Variants in CSGALNACT1 observed in about 807,000 individuals in gnomAD.
CSGALNACT1 encodes the protein beta4GalNAcT-1.
Under a neutral mutation model 51.0 loss-of-function variants are expected in CSGALNACT1, and 52 were observed. That is an observed-to-expected ratio of 1.02 (90% CI 0.82 to 1.29). The LOEUF (loss-of-function observed/expected upper bound fraction) is 1.29, where lower values mean the gene tolerates loss of function less well. Ranked by LOEUF, CSGALNACT1 falls within the 50% of genes most tolerant of loss-of-function variation. The pLI is 0.00. For missense variants in CSGALNACT1, 935 were observed against 679.2 expected, an observed-to-expected ratio of 1.38 and a Z score of -4.19; for synonymous variants, 341 against 254.4, an observed-to-expected ratio of 1.34 and a Z score of -3.24.
At chr8:19,439,187 C>G (rs992261097) in intron 6 of CSGALNACT1, among the ~76,000 whole-genome samples, 1 of 152,192 alleles carries the variant, frequency 6.6e-6, no homozygotes, top group African/African-American at 2.4e-5. Context: ...AAAAATCCAT[C>G]TATGCTGCTT....
At chr8:19,624,592 G>A (rs1442048334) in intron 1 of CSGALNACT1, among the ~76,000 whole-genome samples, 1 of 151,804 alleles carries the variant, frequency 6.6e-6, no homozygotes, top group Non-Finnish European at 1.5e-5. Flanking sequence ...ACTCTCATGT[G>A]TTAATGGAGT....
intron 1 of CSGALNACT1, among the ~76,000 whole-genome samples, chr8:19,616,299 A>G (rs2052998060): frequency 6.6e-6 from 1 of 152,206 alleles, no homozygotes; most frequent in Non-Finnish European, 1.5e-5. Context: ...CAAGTCCAAG[A>G]TAAACGAAAA....
intron 4 of CSGALNACT1, among the ~76,000 whole-genome samples, chr8:19,460,259 CAGAG>C (rs376948743): frequency 1.3e-5 from 2 of 151,138 alleles, no homozygotes; most frequent in South Asian, 2.1e-4. Flanking sequence ...CAGGGAGACA[CAGAG>C]AGAGAGAGAG....
At chr8:19,625,924 A>T (rs2054392917) in intron 1 of CSGALNACT1, among the ~76,000 whole-genome samples, 1 of 152,218 alleles carries the variant, frequency 6.6e-6, no homozygotes, top group Admixed American at 6.5e-5. Flanking sequence ...CAGGCTAAAT[A>T]ATCTCTAAAG....
chr8:19,598,165 T>C (rs950490015), intron 2 of CSGALNACT1, among the ~76,000 whole-genome samples: 6 of 152,128 alleles, frequency 3.9e-5, no homozygotes, highest in Admixed American at 2.6e-4. Flanking sequence ...GGAATCCCAA[T>C]AGCAGAGCTC....
intron 5 of CSGALNACT1, 90 bp downstream of exon 4, chr8:19,458,336 G>A: frequency 1.9e-6 from 2 of 1,068,868 alleles, no homozygotes; most frequent in African/African-American, 1.6e-5. Flanking sequence ...TTTGTACTCG[G>A]CAGGGGAAAT....
chr8:19,601,483 T>C (rs992841767), intron 2 of CSGALNACT1, among the ~76,000 whole-genome samples: 1 of 152,184 alleles, frequency 6.6e-6, no homozygotes, highest in South Asian at 2.1e-4. Flanking sequence ...AGCTCTATGA[T>C]TGGTTTAAGT....
intron 6 of CSGALNACT1, among the ~76,000 whole-genome samples, chr8:19,432,136 C>T (rs1413296088): frequency 2.0e-5 from 3 of 152,182 alleles, no homozygotes; most frequent in African/African-American, 7.2e-5. Flanking sequence ...CTTAGTATTT[C>T]ATACAGGGCA....
chr8:19,457,170 C>A (rs867906466), intron 5 of CSGALNACT1, among the ~76,000 whole-genome samples: 1 of 152,218 alleles, frequency 6.6e-6, no homozygotes, highest in Non-Finnish European at 1.5e-5. Context: ...AGGTCTAAGA[C>A]TATTTGATTC....
chr8:19,684,572 C>G (rs1326553983), upstream of CSGALNACT1, among the ~76,000 whole-genome samples: 1 of 152,154 alleles, frequency 6.6e-6, no homozygotes, highest in Admixed American at 6.5e-5. Context: ...CTCCTCCCCT[C>G]CTCACTCCCC....
chr8:19,581,276 C>T (rs1197876743), intron 3 of CSGALNACT1, among the ~76,000 whole-genome samples: 2 of 152,170 alleles, frequency 1.3e-5, no homozygotes. Context: ...GCAGGTAATA[C>T]TGCCAGATAT....
At chr8:19,734,972 A>G (rs2063890314) in intron 1 of CSGALNACT1, among the ~76,000 whole-genome samples, 1 of 152,140 alleles carries the variant, frequency 6.6e-6, no homozygotes, top group Admixed American at 6.5e-5. Flanking sequence ...CAAACAGATA[A>G]GAAAGATCAG....
At chr8:19,466,364 A>G (rs944714037) in intron 4 of CSGALNACT1, among the ~76,000 whole-genome samples, 8 of 152,184 alleles carry the variant, frequency 5.3e-5, no homozygotes, top group Admixed American at 2.6e-4. Flanking sequence ...ATAAAGAAAA[A>G]ACACTTCAGC....
intron 3 of CSGALNACT1, among the ~76,000 whole-genome samples, chr8:19,587,376 G>A (rs1489639847): frequency 6.6e-6 from 1 of 152,188 alleles, no homozygotes. Flanking sequence ...CTTCTCAAAG[G>A]CTACTGGGTG....
intron 8 of CSGALNACT1, among the ~76,000 whole-genome samples, chr8:19,411,638 T>G (rs1394992231): frequency 6.6e-6 from 1 of 152,048 alleles, no homozygotes; most frequent in Non-Finnish European, 1.5e-5. Context: ...TAAGGTGGAG[T>G]GTGTGACTTC....
chr8:19,673,564 G>A (rs535530673), intron 1 of CSGALNACT1, among the ~76,000 whole-genome samples: 42 of 152,302 alleles, frequency 2.8e-4, no homozygotes, highest in African/African-American at 9.1e-4. Context: ...TGAAAGCCAC[G>A]TGTATTTCCA....
intron 1 of CSGALNACT1, among the ~76,000 whole-genome samples, chr8:19,714,818 G>C (rs1398943276): frequency 1.3e-5 from 2 of 151,656 alleles, no homozygotes; most frequent in African/African-American, 4.9e-5. Context: ...TTGTTATATG[G>C]GTAAATTGCA....
intron 1 of CSGALNACT1, among the ~76,000 whole-genome samples, chr8:19,666,831 G>GAGAGAAAGAAAGAA (rs1554794476): frequency 8.0e-5 from 2 of 24,928 alleles, no homozygotes; most frequent in Non-Finnish European, 1.5e-4. Context: ...GAGAGAGAGA[G>GAGAGAAAGAAAGAA]AGAAAGAAAG....
At position 19,476,670 on chromosome 8, in the gene CSGALNACT1, T is replaced by G. The variant is rs143243497; in HGVS notation, c.635-18028A>C. ...GAGTGAGGCAACACAGCTTCCACCT[T>G]GTTTGCTGGAATATTTTGTTTTGGA... On this transcript the variant is annotated intron_variant, in intron 4 of 9. Transcript: ENST00000454498. Among the ~76,000 whole-genome samples, 1,411 of 152,308 alleles carry G rather than the reference T, an allele frequency of 9.3e-3. 23 individuals are homozygous for G. Among genetic ancestry groups the G allele is most frequent in the African/African-American group, 0.033 (1,352 of 41,574 alleles).
Sources: allele counts gnomAD v4.1 joint callset (sites outside exome capture counted in the v4.1 genomes callset), GRCh38; gene constraint gnomAD v4.1.1; transcripts MANE v1.5; gene names NCBI Gene and HGNC (gene_info 2026-07-23, HGNC 2026-07-21).